LRFN5: variants seen among roughly 807,000 people sequenced by gnomAD.
LRFN5 encodes the protein leucine rich repeat and fibronectin type III domain containing 5.
In LRFN5, 24 loss-of-function variants were observed where a neutral mutation model predicts 45.6. That is an observed-to-expected ratio of 0.53 (90% CI 0.38 to 0.74). The LOEUF is 0.74. Among genes scored for constraint, LRFN5 ranks in the 30% least tolerant of loss-of-function variants. LRFN5 has a pLI of 0.00. For missense variants in LRFN5, 776 were observed against 861.5 expected, an observed-to-expected ratio of 0.90 and a Z score of 1.24; for synonymous variants, 340 against 313.8, an observed-to-expected ratio of 1.08 and a Z score of -0.88.
intron 2 of LRFN5, among the ~76,000 whole-genome samples, chr14:41,809,813 GTAAAAATACTATC>G (rs1222002269): frequency 6.6e-6 from 1 of 151,760 alleles, no homozygotes; most frequent in Non-Finnish European, 1.5e-5. Flanking sequence ...TTTATTTAGT[GTAAAAATACTATC>G]TAAAAATACT....
chr14:41,769,396 C>A (rs1459260352), intron 2 of LRFN5, among the ~76,000 whole-genome samples: 1 of 152,068 alleles, frequency 6.6e-6, no homozygotes, highest in Non-Finnish European at 1.5e-5. Context: ...TCTCACTTGA[C>A]AAAAGTATTG....
chr14:41,628,153 G>C (rs958877960), intron 1 of LRFN5, among the ~76,000 whole-genome samples: 4 of 152,152 alleles, frequency 2.6e-5, no homozygotes, highest in African/African-American at 9.7e-5. Context: ...TCATTCAGCA[G>C]TGAGTTCTTG....
At chr14:41,878,400 G>C (rs1191337786) in intron 2 of LRFN5, among the ~76,000 whole-genome samples, 3 of 152,126 alleles carry the variant, frequency 2.0e-5, no homozygotes, top group Non-Finnish European at 4.4e-5. Context: ...TTTCTGCAGA[G>C]AATAGGCTTT....
At chr14:41,815,096 A>AT (rs1566460720) in intron 2 of LRFN5, among the ~76,000 whole-genome samples, 1 of 152,018 alleles carries the variant, frequency 6.6e-6, no homozygotes, top group Non-Finnish European at 1.5e-5. Context: ...GTCCTTACTG[A>AT]TTTTCTGCCT....
chr14:41,681,291 T>C (rs8008204), intron 1 of LRFN5, among the ~76,000 whole-genome samples: 84,446 of 151,946 alleles, frequency 0.56, 25,617 homozygotes, highest in East Asian at 0.98. Context: ...GTAGATTTAA[T>C]TCAAATAAAG....
At chr14:41,726,526 G>T (rs1306946228) in intron 1 of LRFN5, among the ~76,000 whole-genome samples, 1 of 152,120 alleles carries the variant, frequency 6.6e-6, no homozygotes, top group East Asian at 1.9e-4. Flanking sequence ...GCATTATGAT[G>T]CTGAAACTGA....
chr14:41,866,942 T>C (rs2139109787), intron 2 of LRFN5, among the ~76,000 whole-genome samples: 1 of 152,260 alleles, frequency 6.6e-6, no homozygotes, highest in South Asian at 2.1e-4. Context: ...GATCATATTA[T>C]TATATGGACC....
At chr14:41,762,685 T>C (rs1198834546) in intron 1 of LRFN5, among the ~76,000 whole-genome samples, 2 of 152,128 alleles carry the variant, frequency 1.3e-5, no homozygotes, top group Non-Finnish European at 2.9e-5. Context: ...GAATTTCCTA[T>C]CTTATAACCT....
chr14:41,690,254 G>T (rs1316400136), intron 1 of LRFN5, among the ~76,000 whole-genome samples: 1 of 151,940 alleles, frequency 6.6e-6, no homozygotes, highest in African/African-American at 2.4e-5. Flanking sequence ...AGTAAATAAA[G>T]AAATAAACAT....
rs1890798318 is a variant in LRFN5 at position 41,891,894 on chromosome 14, A to C, written c.2030A>C (p.Gln677Pro). ...AACAGGAACAACTCAACTGCCTTGC[A>C]GTTAGCTAGCCGTCCTCCCGATTCT... ...NTNRNNSTAL[Q>P]LASRPPDSVT... is the part of the protein sequence containing the mutation. The change falls in exon 4 of 6, where the codon CAG becomes CCG. Residue 677 changes from glutamine to proline, a missense_variant. Transcript: ENST00000298119. 2 of 1,614,084 alleles carry C rather than the reference A, an allele frequency of 1.2e-6. No individual in the cohort carries two copies.
intron 2 of LRFN5, among the ~76,000 whole-genome samples, chr14:41,879,074 GGAGTAGTCCA>G (rs1890284344): frequency 6.6e-6 from 1 of 151,072 alleles, no homozygotes. Context: ...TAGACTTTAG[GGAGTAGTCCA>G]GATTTTATTG....
At chr14:41,718,631 A>G (rs1883588975) in intron 1 of LRFN5, among the ~76,000 whole-genome samples, 1 of 152,188 alleles carries the variant, frequency 6.6e-6, no homozygotes, top group South Asian at 2.1e-4. Context: ...TGAGGTAGAC[A>G]GCATAGTCAG....
intron 1 of LRFN5, among the ~76,000 whole-genome samples, chr14:41,639,678 G>C (rs1210917431): frequency 6.6e-6 from 1 of 152,130 alleles, no homozygotes; most frequent in Non-Finnish European, 1.5e-5. Flanking sequence ...ATTCTGGACT[G>C]TATGGAACAA....
intron 1 of LRFN5, among the ~76,000 whole-genome samples, chr14:41,744,513 G>C (rs970769412): frequency 6.6e-6 from 1 of 152,046 alleles, no homozygotes; most frequent in Non-Finnish European, 1.5e-5. Context: ...CATGACAAAA[G>C]TAAGTCCCAC....
At chr14:41,715,764 G>C (rs377578229) in intron 1 of LRFN5, among the ~76,000 whole-genome samples, 1 of 152,102 alleles carries the variant, frequency 6.6e-6, no homozygotes, top group East Asian at 1.9e-4. Context: ...GCTGTCGTTG[G>C]ATCTATCATT....
chr14:41,647,554 C>A (rs948322014), intron 1 of LRFN5, among the ~76,000 whole-genome samples: 3 of 151,934 alleles, frequency 2.0e-5, no homozygotes, highest in Admixed American at 1.3e-4. Flanking sequence ...CTGAAGGGGG[C>A]AGAGAAGTGG....
chr14:41,789,844 A>G (rs1886855715), intron 2 of LRFN5, among the ~76,000 whole-genome samples: 2 of 151,864 alleles, frequency 1.3e-5, no homozygotes, highest in South Asian at 2.1e-4. Context: ...GATTTTTTAA[A>G]TGTATTTTTT....
At chr14:41,795,298 G>T (rs929553235) in intron 2 of LRFN5, among the ~76,000 whole-genome samples, 2 of 152,050 alleles carry the variant, frequency 1.3e-5, no homozygotes, top group African/African-American at 4.8e-5. Flanking sequence ...AGAGGATGTG[G>T]AGAAATAGGA....
chr14:41,837,194 CAAAAA>C lies in LRFN5; in HGVS notation c.-20-49392_-20-49388del, dbSNP rs5808157. Among the ~76,000 whole-genome samples, 22 of 75,410 alleles carry C rather than the reference CAAAAA, an allele frequency of 2.9e-4. No homozygotes were observed. In the Admixed American group the frequency reaches 3.8e-3, roughly 13 times the overall value. The allele number at this position is 75,410 out of a possible 152,430, so 49.5% of individuals were successfully genotyped here. A position where few individuals can be genotyped will look rare whatever the true frequency, so the allele number is the denominator to read the frequency against. On this transcript the variant is annotated intron_variant, in intron 2 of 5. Coordinates refer to ENST00000298119, the MANE Select transcript of LRFN5 (RefSeq NM_152447.5). ...AGAATTATCTCTCTCACACACTCCA[CAAAAA>C]AAAAAAAAAAAAAAAAAAAGCTAGC...
Sources: gnomAD v4.1 joint callset for allele counts (sites outside exome capture counted in the v4.1 genomes callset) on GRCh38, gnomAD v4.1.1 for gene constraint, MANE v1.5 for transcripts, NCBI Gene and HGNC (gene_info 2026-07-23, HGNC 2026-07-21) for gene names.